SLC16A10: variants seen among roughly 807,000 people sequenced by gnomAD.
SLC16A10 encodes monocarboxylate transporter 10.
SLC16A10 carries 27 observed loss-of-function variants against 40.0 expected under a neutral mutation model. The observed-to-expected ratio is 0.67, with a 90% confidence interval of 0.50 to 0.93. The LOEUF is 0.93. Among genes scored for constraint, SLC16A10 ranks in the 40% least tolerant of loss-of-function variants. SLC16A10 has a pLI of 0.00. For synonymous variants in SLC16A10, 213 were observed against 249.8 expected (o/e 0.85, Z 1.39); for missense variants, 529 against 658.2 (o/e 0.80, Z 2.15).
intron 3 of SLC16A10, among the ~76,000 whole-genome samples, chr6:111,205,950 G>A (rs1773245872): frequency 6.6e-6 from 1 of 152,116 alleles, no homozygotes; most frequent in Non-Finnish European, 1.5e-5. Context: ...TAATGTAACG[G>A]GTCCTTGGGT....
chr6:111,211,693 C>T (rs1408745537), intron 4 of SLC16A10, among the ~76,000 whole-genome samples: 1 of 152,196 alleles, frequency 6.6e-6, no homozygotes, highest in African/African-American at 2.4e-5. Context: ...ACAGGCCTAA[C>T]CCATGCAGGA....
chr6:111,136,384 A>C (rs1207560611), intron 1 of SLC16A10, among the ~76,000 whole-genome samples: 3 of 152,246 alleles, frequency 2.0e-5, no homozygotes, highest in African/African-American at 7.2e-5. Context: ...TAGTGGCGGC[A>C]GTAGCAGTCT....
At chr6:111,140,181 G>A (rs1771956306) in intron 1 of SLC16A10, among the ~76,000 whole-genome samples, 1 of 152,168 alleles carries the variant, frequency 6.6e-6, no homozygotes, top group Non-Finnish European at 1.5e-5. Flanking sequence ...CAGAATGCCA[G>A]CCAGGCATAG....
At chr6:111,199,846 G>A (rs1321924436) in intron 3 of SLC16A10, among the ~76,000 whole-genome samples, 1 of 150,124 alleles carries the variant, frequency 6.7e-6, no homozygotes, top group African/African-American at 2.4e-5. Flanking sequence ...AAAACAAGTA[G>A]AAATAAAGGC....
intron 3 of SLC16A10, among the ~76,000 whole-genome samples, chr6:111,193,516 A>T (rs1773031007): frequency 6.6e-6 from 1 of 152,234 alleles, no homozygotes; most frequent in Admixed American, 6.5e-5. Context: ...ATATACTAGC[A>T]TAGGAACTTG....
rs1772872333 is a variant in SLC16A10 at position 111,185,145 on chromosome 6, T to C, written c.942+7480T>C. Among the ~76,000 whole-genome samples, 3 of 152,226 alleles carry C rather than the reference T, an allele frequency of 2.0e-5. No homozygotes were observed. In the South Asian group the frequency reaches 6.2e-4, roughly 31 times the overall value. On this transcript the variant is annotated intron_variant, in intron 3 of 5. Transcript: ENST00000368851. ...AGAACCACCACAAGGATGAGTGTAA[T>C]AAATAACACATACTTAGAGCCAAGG... is the stretch of plus-strand genomic sequence containing the variant.
chr6:111,209,090 T>TTA (rs1274596089), intron 4 of SLC16A10, among the ~76,000 whole-genome samples: 1 of 152,056 alleles, frequency 6.6e-6, no homozygotes, highest in African/African-American at 2.4e-5. Flanking sequence ...GCCTATAGTC[T>TTA]TAGCTATGCA....
intron 1 of SLC16A10, among the ~76,000 whole-genome samples, chr6:111,152,055 T>G (rs1772181529): frequency 6.6e-6 from 1 of 152,194 alleles, no homozygotes; most frequent in Non-Finnish European, 1.5e-5. Context: ...AGGACCTGTT[T>G]CCACCCCCTC....
intron 1 of SLC16A10, among the ~76,000 whole-genome samples, chr6:111,115,871 G>T (rs1321616013): frequency 6.6e-6 from 1 of 152,038 alleles, no homozygotes; most frequent in Non-Finnish European, 1.5e-5. Flanking sequence ...AAGGGCTGTA[G>T]TAGTGTTTGC....
intron 3 of SLC16A10, among the ~76,000 whole-genome samples, chr6:111,204,464 A>G (rs1202199950): frequency 6.6e-6 from 1 of 152,198 alleles, no homozygotes; most frequent in Non-Finnish European, 1.5e-5. Context: ...GTGTAGAGAC[A>G]TTAACAGGGC....
In SLC16A10 at chr6:111,229,483, G is replaced by A. The variant is rs1771067661; in HGVS notation, c.*7248G>A. On this transcript the variant is annotated 3_prime_UTR_variant, in exon 6 of 6. Transcript: ENST00000368851. The stretch of plus-strand genomic sequence containing the variant: ...GGATTTAAATATATTCTGTAACTTT[G>A]AGGCAATGTGAAAAAGTTATATATA... The A allele has an allele frequency of 6.6e-6, 1 of 152,140 alleles. No individual in the cohort carries two copies. The highest frequency in any genetic ancestry group is 2.1e-4 in the South Asian group (1 of 4,836). The allele number at this position is 152,140 out of a possible 1,614,324, so 9.4% of individuals were successfully genotyped here.
At chr6:111,157,440 C>T (rs990564399) in intron 1 of SLC16A10, among the ~76,000 whole-genome samples, 11 of 152,102 alleles carry the variant, frequency 7.2e-5, no homozygotes, top group South Asian at 4.2e-4. Flanking sequence ...CCTGCCACTA[C>T]GCCCAGCTAA....
chr6:111,111,403 C>T (rs1228006611), intron 1 of SLC16A10, among the ~76,000 whole-genome samples: 1 of 151,940 alleles, frequency 6.6e-6, no homozygotes, highest in Middle Eastern at 3.2e-3. Context: ...TTTTAACATC[C>T]ACTCTCTTTA....
At chr6:111,167,264 C>CA (rs1309168632) in intron 1 of SLC16A10, among the ~76,000 whole-genome samples, 1 of 152,136 alleles carries the variant, frequency 6.6e-6, no homozygotes, top group Admixed American at 6.5e-5. Context: ...GGAAGAGGCA[C>CA]AAAGCATCCT....
In SLC16A10 at chr6:111,222,215, G is replaced by T. The variant is rs1199642859; in HGVS notation, c.1528G>T (p.Glu510Ter). 2 of 1,603,084 alleles carry T rather than the reference G, an allele frequency of 1.2e-6. No homozygotes were observed. Among genetic ancestry groups the T allele is most frequent in the Non-Finnish European group, 1.7e-6 (2 of 1,177,176 alleles). ...LSSSSGMFKK[E>*]SDSII ...AAGTTCATCTGGAATGTTCAAGAAA[G>T]AATCTGACTCTATTATTTAATATCT... The change falls in exon 6 of 6, where the codon GAA (glutamate) becomes TAA (stop). Residue 510 changes from glutamate (E) to a stop codon, truncating the protein, a stop_gained. Transcript: ENST00000368851. LOFTEE classifies it high-confidence loss of function.
intron 4 of SLC16A10, 147 bp from the exon 5 acceptor site, chr6:111,218,667 G>A (rs1160496556): frequency 7.6e-6 from 5 of 655,586 alleles, no homozygotes; most frequent in Non-Finnish European, 8.2e-6. Flanking sequence ...TATAGGAGTT[G>A]ATTATGTATG....
chr6:111,160,209 C>T (rs920412505), intron 1 of SLC16A10, among the ~76,000 whole-genome samples: 6 of 152,106 alleles, frequency 3.9e-5, no homozygotes, highest in Non-Finnish European at 8.8e-5. Flanking sequence ...AAATCTTTGC[C>T]TAAACCAAGA....
intron 1 of SLC16A10, among the ~76,000 whole-genome samples, chr6:111,162,926 A>G (rs987988050): frequency 6.6e-6 from 1 of 151,754 alleles, no homozygotes; most frequent in African/African-American, 2.4e-5. Flanking sequence ...AGTCCTGTAC[A>G]TTTTCCCTCT....
Position 111,087,947 on chromosome 6 carries a change from C to T in SLC16A10, c.195C>T (p.Pro65=), listed in dbSNP as rs777830062. 2 of 1,610,186 alleles carry T rather than the reference C, an allele frequency of 1.2e-6. No homozygotes were observed. Among genetic ancestry groups the T allele is most frequent in the South Asian group, 1.1e-5 (1 of 90,504 alleles). The change falls in exon 1 of 6, where the codon CCC becomes CCT. Residue 65 remains proline (P), a synonymous_variant. Coordinates refer to ENST00000368851, the MANE Select transcript of SLC16A10 (RefSeq NM_018593.5). ...AGCCCCATGAGCCCCCCGAACCCCC[C>T]GAGGGCGGCTGGGGCTGGCTGGTGA... ...TAEPHEPPEP[P]EGGWGWLVML... is the part of the protein sequence containing the mutation.
Sources: allele counts gnomAD v4.1 joint callset (sites outside exome capture counted in the v4.1 genomes callset), GRCh38; gene constraint gnomAD v4.1.1; transcripts MANE v1.5; gene names NCBI Gene and HGNC (gene_info 2026-07-23, HGNC 2026-07-21).